Variants in MAF observed in about 807,000 individuals in gnomAD.
The protein encoded by MAF is MAF bZIP transcription factor, also known as transcription factor Maf.
In MAF, 10 loss-of-function variants were observed where a neutral mutation model predicts 22.0. That is an observed-to-expected ratio of 0.45 (90% CI 0.28 to 0.77). The LOEUF (loss-of-function observed/expected upper bound fraction) is 0.77, where lower values mean the gene tolerates loss of function less well. Ranked by LOEUF, MAF falls within the 30% of genes least tolerant of loss-of-function variation. The probability of loss-of-function intolerance (pLI) is 0.12; values close to 1 mark genes in which losing one functional copy is unlikely to be tolerated. For missense variants in MAF, 544 were observed against 548.4 expected (o/e 0.99, Z 0.08); for synonymous variants, 337 against 255.8 (o/e 1.32, Z -3.03).
the MAF span, among the ~76,000 whole-genome samples, chr16:79,466,392 T>C: frequency 6.6e-6 from 1 of 152,226 alleles, no homozygotes. Context: ...ATGGTGTTCT[T>C]CAGGTTTCAT....
the MAF span, among the ~76,000 whole-genome samples, chr16:79,552,653 G>A: frequency 6.6e-6 from 1 of 152,150 alleles, no homozygotes; most frequent in Non-Finnish European, 1.5e-5. Flanking sequence ...CGGTGTTCAG[G>A]ACAGGATCTT....
the MAF span, among the ~76,000 whole-genome samples, chr16:79,338,728 G>A: frequency 3.7e-4 from 57 of 152,256 alleles, no homozygotes; most frequent in African/African-American, 1.3e-3. Flanking sequence ...CTATACACTC[G>A]CGACACTTCA....
the MAF span, among the ~76,000 whole-genome samples, chr16:79,457,156 G>GA: frequency 6.6e-6 from 1 of 152,016 alleles, no homozygotes; most frequent in Non-Finnish European, 1.5e-5. Context: ...TTCTCTCCAA[G>GA]AAAAAAATGT....
the MAF span, among the ~76,000 whole-genome samples, chr16:79,478,407 C>A: frequency 6.6e-6 from 1 of 152,154 alleles, no homozygotes; most frequent in African/African-American, 2.4e-5. Flanking sequence ...GGAGTCCAGG[C>A]AGTTTGTTTC....
At chr16:79,561,326 T>A in the MAF span, among the ~76,000 whole-genome samples, 52 of 152,046 alleles carry the variant, frequency 3.4e-4, no homozygotes, top group Non-Finnish European at 5.0e-4. Flanking sequence ...TTTTTTTTTT[T>A]TATATATACT....
At chr16:79,553,190 C>T in the MAF span, among the ~76,000 whole-genome samples, 15 of 152,366 alleles carry the variant, frequency 9.8e-5, no homozygotes, top group Admixed American at 5.2e-4. Context: ...TGCTCTGCCT[C>T]GGCAACAGCT....
At chr16:79,466,595 A>G in the MAF span, among the ~76,000 whole-genome samples, 6 of 152,236 alleles carry the variant, frequency 3.9e-5, no homozygotes, top group African/African-American at 1.4e-4. Flanking sequence ...GATGCTGTCT[A>G]CACACCTGGT....
chr16:79,302,234 A>G, the MAF span, among the ~76,000 whole-genome samples: 1 of 152,222 alleles, frequency 6.6e-6, no homozygotes, highest in Admixed American at 6.5e-5. Flanking sequence ...TCAGAATCTG[A>G]GCCCAGTGAG....
At chr16:79,529,182 C>A in the MAF span, among the ~76,000 whole-genome samples, 1 of 152,166 alleles carries the variant, frequency 6.6e-6, no homozygotes, top group Non-Finnish European at 1.5e-5. Context: ...CTCATGGTCC[C>A]AGAAGAGTTT....
the MAF span, among the ~76,000 whole-genome samples, chr16:79,403,087 T>A: frequency 6.6e-6 from 1 of 152,220 alleles, no homozygotes; most frequent in Non-Finnish European, 1.5e-5. Context: ...TTCACCTGCA[T>A]GCCAGTTCTC....
At chr16:79,213,710 G>T in the MAF span, among the ~76,000 whole-genome samples, 14 of 152,210 alleles carry the variant, frequency 9.2e-5, no homozygotes, top group African/African-American at 3.4e-4. Flanking sequence ...AGACATGTAA[G>T]TGAGGCCATC....
chr16:79,354,183 G>C, the MAF span, among the ~76,000 whole-genome samples: 4 of 151,842 alleles, frequency 2.6e-5, no homozygotes, highest in Non-Finnish European at 5.9e-5. Context: ...AGTAGAGATA[G>C]AGTTTTGCCA....
chr16:79,449,415 T>C, the MAF span, among the ~76,000 whole-genome samples: 1 of 152,198 alleles, frequency 6.6e-6, no homozygotes, highest in Non-Finnish European at 1.5e-5. Context: ...TGCTTTATTG[T>C]GGTGGTCTGG....
chr16:79,389,842 G>A, the MAF span, among the ~76,000 whole-genome samples: 1 of 151,718 alleles, frequency 6.6e-6, no homozygotes, highest in South Asian at 2.1e-4. Flanking sequence ...CAGGCGTGGT[G>A]GTGGGCGCCT....
At chr16:79,566,368 G>C in the MAF span, among the ~76,000 whole-genome samples, 1 of 152,216 alleles carries the variant, frequency 6.6e-6, no homozygotes, top group Non-Finnish European at 1.5e-5. Flanking sequence ...CCTGGGCTGG[G>C]ATTCACAGCA....
chr16:79,511,549 T>C, the MAF span, among the ~76,000 whole-genome samples: 8 of 152,312 alleles, frequency 5.3e-5, no homozygotes, highest in African/African-American at 1.9e-4. Context: ...GTAGAATGCA[T>C]TTAGAGCCAG....
the MAF span, among the ~76,000 whole-genome samples, chr16:79,371,868 G>A: frequency 6.6e-6 from 1 of 152,356 alleles, no homozygotes; most frequent in African/African-American, 2.4e-5. Context: ...ATCTTGGGCA[G>A]AGAGGAGTTT....
chr16:79,547,924 G>T, the MAF span, among the ~76,000 whole-genome samples: 4 of 148,548 alleles, frequency 2.7e-5, no homozygotes, highest in East Asian at 2.0e-4. Flanking sequence ...GAGAGATAGA[G>T]AGAGAGAGAG....
chr16:79,353,211 T>C, the MAF span, among the ~76,000 whole-genome samples: 2 of 151,790 alleles, frequency 1.3e-5, no homozygotes, highest in Non-Finnish European at 2.9e-5. Flanking sequence ...AACCTCTGCC[T>C]CCCAGGTCCA....
Sources: gnomAD v4.1 joint callset for allele counts (sites outside exome capture counted in the v4.1 genomes callset) on GRCh38, gnomAD v4.1.1 for gene constraint, MANE v1.5 for transcripts, NCBI Gene and HGNC (gene_info 2026-07-23, HGNC 2026-07-21) for gene names.